The following ZNF148 variants were observed in gnomAD, a reference collection of about 807,000 sequenced individuals.
ZNF148 encodes the protein Beta-Enolase Repressor Factor-1.
ZNF148 carries 7 observed loss-of-function variants against 67.7 expected under a neutral mutation model. That is an observed-to-expected ratio of 0.10 (90% CI 0.06 to 0.19). ZNF148 has a LOEUF of 0.19. Among genes scored for constraint, ZNF148 ranks in the 10% least tolerant of loss-of-function variants. The pLI is 1.00. For missense variants in ZNF148, 583 were observed against 947.1 expected (o/e 0.62, Z 5.05); for synonymous variants, 333 against 330.7 (o/e 1.01, Z -0.08).
intron 4 of ZNF148, among the ~76,000 whole-genome samples, chr3:125,290,720 C>T (rs1486182500): frequency 6.6e-5 from 10 of 151,944 alleles, no homozygotes; most frequent in African/African-American, 2.4e-4. Flanking sequence ...ATCAGATTTC[C>T]TTTTCAAAGG....
intron 7 of ZNF148, among the ~76,000 whole-genome samples, chr3:125,264,285 T>C (rs1418676565): frequency 1.3e-5 from 2 of 152,252 alleles, no homozygotes; most frequent in African/African-American, 2.4e-5. Context: ...AACTTGTGAT[T>C]GGCATCCGAA....
intron 4 of ZNF148, among the ~76,000 whole-genome samples, chr3:125,305,473 A>G (rs1258833161): frequency 1.3e-5 from 2 of 152,196 alleles, no homozygotes; most frequent in African/African-American, 4.8e-5. Flanking sequence ...CTCTCCCAGT[A>G]ACTAACAGAA....
chr3:125,325,778 A>C (rs990113159), intron 2 of ZNF148, among the ~76,000 whole-genome samples: 14 of 152,138 alleles, frequency 9.2e-5, no homozygotes, highest in Non-Finnish European at 2.1e-4. Context: ...CTGGCCCCAA[A>C]TTTAATTTTT....
At chr3:125,309,650 A>C (rs1940089859) in intron 4 of ZNF148, among the ~76,000 whole-genome samples, 1 of 152,230 alleles carries the variant, frequency 6.6e-6, no homozygotes, top group South Asian at 2.1e-4. Context: ...CGCCCATGCA[A>C]AAAAGTACAT....
chr3:125,242,705 G>C (rs1315157953), intron 7 of ZNF148, among the ~76,000 whole-genome samples: 2 of 152,202 alleles, frequency 1.3e-5, no homozygotes, highest in East Asian at 3.8e-4. Context: ...GGCAGAATGT[G>C]AGGTATGGAC....
At chr3:125,234,426 T>G in intron 7 of ZNF148, 97 bp from the exon 8 acceptor site, 2 of 829,178 alleles carry the variant, frequency 2.4e-6, no homozygotes, top group Non-Finnish European at 3.9e-6. Context: ...CTTTTGAAAG[T>G]TGTAACTTCC....
At chr3:125,327,400 G>A (rs1435365162) in intron 2 of ZNF148, among the ~76,000 whole-genome samples, 1 of 152,126 alleles carries the variant, frequency 6.6e-6, no homozygotes, top group Non-Finnish European at 1.5e-5. Flanking sequence ...ATACCTAAGT[G>A]GCATATATAG....
intron 7 of ZNF148, among the ~76,000 whole-genome samples, chr3:125,241,756 G>C (rs1187324312): frequency 6.6e-6 from 1 of 152,128 alleles, no homozygotes; most frequent in African/African-American, 2.4e-5. Context: ...AGGTATATTT[G>C]TGGAATAAAC....
At chr3:125,305,426 T>C (rs9832089) in intron 4 of ZNF148, among the ~76,000 whole-genome samples, 117,684 of 152,212 alleles carry the variant, frequency 0.77, 46,048 homozygotes, top group African/African-American at 0.85. Context: ...ACTGAGTCTT[T>C]TGGCTAACAA....
intron 1 of ZNF148, among the ~76,000 whole-genome samples, chr3:125,351,930 T>C (rs1942167443): frequency 6.6e-6 from 1 of 152,202 alleles, no homozygotes; most frequent in Non-Finnish European, 1.5e-5. Context: ...AACCCTCATA[T>C]ACTGCTGATA....
chr3:125,257,399 C>A (rs1307114827), intron 7 of ZNF148, among the ~76,000 whole-genome samples: 1 of 151,530 alleles, frequency 6.6e-6, no homozygotes, highest in East Asian at 1.9e-4. Flanking sequence ...ACTAAAAATA[C>A]AAAAAAATTA....
In ZNF148 at chr3:125,242,711, T is replaced by C. The variant is rs530675117; in HGVS notation, c.668-8382A>G. Among the ~76,000 whole-genome samples, 4 of 152,364 alleles carry C rather than the reference T, an allele frequency of 2.6e-5. No homozygotes were observed. The East Asian group carries it at 7.7e-4, about 29-fold the overall frequency. Reference sequence around the variant, plus strand: ...TTATCTTGAGGCAGAATGTGAGGTATGGACAAAACTTTTGTTTTTTCAGAT... The same window carrying C: ...TTATCTTGAGGCAGAATGTGAGGTACGGACAAAACTTTTGTTTTTTCAGAT... On this transcript the variant is annotated intron_variant, in intron 7 of 8. Transcript: ENST00000360647.
In ZNF148 at chr3:125,232,227, C is replaced by T. The variant is rs1398880453; in HGVS notation, c.*114G>A. The T allele has an allele frequency of 2.4e-6, 3 of 1,249,318 alleles. No homozygotes were observed. The highest frequency in any genetic ancestry group is 3.2e-6 in the Non-Finnish European group (3 of 931,942). 77.4% of individuals were successfully genotyped at this position (1,249,318 alleles called of 1,614,324 possible). ...TATCTTGCTATTCATATCAGCTTAA[C>T]TTGTTATTACGCATTGCTCTTAAAT... On this transcript the variant is annotated 3_prime_UTR_variant, in exon 9 of 9. Transcript: ENST00000360647. This position sits in a 1 kb window ranked among gnomAD's most constrained non-coding sequence, Gnocchi z 4.2.
intron 4 of ZNF148, among the ~76,000 whole-genome samples, chr3:125,305,121 T>C (rs1033271710): frequency 5.9e-5 from 9 of 152,330 alleles, no homozygotes; most frequent in Middle Eastern, 3.4e-3. Context: ...AATAACTTTA[T>C]AGCAGCAAAG....
intron 7 of ZNF148, among the ~76,000 whole-genome samples, chr3:125,240,262 G>A (rs1936289535): frequency 6.6e-6 from 1 of 152,138 alleles, no homozygotes; most frequent in Non-Finnish European, 1.5e-5. Context: ...GGGAGGATGA[G>A]GCAGGCGGAT....
At chr3:125,342,784 CA>C (rs1941785223) in intron 1 of ZNF148, among the ~76,000 whole-genome samples, 1 of 151,928 alleles carries the variant, frequency 6.6e-6, no homozygotes, top group Non-Finnish European at 1.5e-5. Context: ...ATGATGGAAA[CA>C]AAAGTTATAA....
In ZNF148 at chr3:125,375,144, C is replaced by T; in HGVS notation, c.-276G>A. ...TCGCGCGGTCACCGACTGCAGGCGG[C>T]GGCAGCTCCAACCTTTCTAGGGGCC... On this transcript the variant is annotated 5_prime_UTR_variant, in exon 1 of 9. Transcript: ENST00000360647. 1 of 151,998 alleles carries T rather than the reference C, an allele frequency of 6.6e-6. No homozygotes were observed. Among genetic ancestry groups the T allele is most frequent in the Non-Finnish European group, 1.5e-5 (1 of 67,980 alleles). The allele number at this position is 151,998 out of a possible 1,614,324, so 9.4% of individuals were successfully genotyped here.
At chr3:125,260,222 CAG>C (rs1402502071) in intron 7 of ZNF148, among the ~76,000 whole-genome samples, 1 of 151,934 alleles carries the variant, frequency 6.6e-6, no homozygotes, top group Non-Finnish European at 1.5e-5. Flanking sequence ...AAATATGACA[CAG>C]AGATAGAAAG....
In ZNF148 at chr3:125,230,309, G is replaced by GT. The variant is rs1404119868; in HGVS notation, c.*2031dup. 1 of 152,602 alleles carries GT rather than the reference G, an allele frequency of 6.6e-6. No homozygotes were observed. The highest frequency in any genetic ancestry group is 2.1e-4 in the South Asian group (1 of 4,824). The allele number at this position is 152,602 out of a possible 1,614,324, so 9.5% of individuals were successfully genotyped here. The stretch of plus-strand genomic sequence containing the variant: ...GGGTGAGCACAGTTCCATTTTTAAC[G>GT]TATCACCTGAATGAAGCCTTTTTGT... On this transcript the variant is annotated 3_prime_UTR_variant, in exon 9 of 9. Transcript: ENST00000360647.
Sources: gnomAD v4.1 joint callset for allele counts (sites outside exome capture counted in the v4.1 genomes callset) on GRCh38, gnomAD v4.1.1 for gene constraint, Gnocchi (gnomAD v3.1) non-coding constraint, MANE v1.5 for transcripts, NCBI Gene and HGNC (gene_info 2026-07-23, HGNC 2026-07-21) for gene names.